ANKRD55: variants seen among roughly 807,000 people sequenced by gnomAD.
ANKRD55 encodes the protein ankyrin repeat domain 55.
Under a neutral mutation model 60.6 loss-of-function variants are expected in ANKRD55, and 41 were observed. The ratio of observed to expected loss-of-function variants is 0.68; its 90% confidence interval spans 0.53 to 0.88. The LOEUF (loss-of-function observed/expected upper bound fraction) is 0.88, where lower values mean the gene tolerates loss of function less well. ANKRD55 is among the 40% of genes least tolerant of loss of function. ANKRD55 has a pLI of 0.00. For synonymous variants in ANKRD55, 264 were observed against 290.3 expected (o/e 0.91, Z 0.92); for missense variants, 732 against 767.6 (o/e 0.95, Z 0.55).
chr5:56,111,933 T>C, intron 9 of ANKRD55, 151 bp from the exon 10 acceptor site: 2 of 687,140 alleles, frequency 2.9e-6, no homozygotes, highest in East Asian at 6.4e-5. Context: ...TTAAAGGCAG[T>C]GTGAAGAACT....
chr5:56,182,404 G>GT (rs2111830690), intron 3 of ANKRD55, among the ~76,000 whole-genome samples: 1 of 152,142 alleles, frequency 6.6e-6, no homozygotes, highest in Admixed American at 6.5e-5. Flanking sequence ...TGTGATGATT[G>GT]TATTTTTGAT....
intron 8 of ANKRD55, among the ~76,000 whole-genome samples, chr5:56,124,247 G>A (rs1164929242): frequency 1.3e-5 from 2 of 152,078 alleles, no homozygotes; most frequent in Non-Finnish European, 1.5e-5. Flanking sequence ...TGTGTTCTGT[G>A]TCATATCTTA....
chr5:56,115,600 G>A (rs1756863435), intron 9 of ANKRD55, among the ~76,000 whole-genome samples: 2 of 152,048 alleles, frequency 1.3e-5, no homozygotes, highest in African/African-American at 4.8e-5. Flanking sequence ...AGGATTACAG[G>A]TGTGAGCCAC....
chr5:56,232,187 CA>C (rs1440193185), intron 2 of ANKRD55, among the ~76,000 whole-genome samples: 10 of 152,186 alleles, frequency 6.6e-5, no homozygotes. Flanking sequence ...ACATAGACCA[CA>C]TGGCCAAATA....
chr5:56,199,048 C>T (rs1759296317), intron 2 of ANKRD55, among the ~76,000 whole-genome samples: 1 of 151,580 alleles, frequency 6.6e-6, no homozygotes, highest in African/African-American at 2.4e-5. Flanking sequence ...CCACTGCACT[C>T]CAGCCTGGAC....
At chr5:56,158,083 A>C (rs1758240212) in intron 6 of ANKRD55, among the ~76,000 whole-genome samples, 1 of 152,088 alleles carries the variant, frequency 6.6e-6, no homozygotes, top group Non-Finnish European at 1.5e-5. Context: ...TGGGAGGCTG[A>C]GGTAGGAGAA....
At position 56,111,584 on chromosome 5, in the gene ANKRD55, G is replaced by A. The variant is rs1426586419; in HGVS notation, c.1164C>T (p.Ile388=). The change falls in exon 10 of 12, where the codon ATC becomes ATT. Residue 388 remains isoleucine, a synonymous_variant. Coordinates refer to ENST00000341048, the MANE Select transcript of ANKRD55 (RefSeq NM_024669.3). ...VNDIITTFDS[I]VGTNCQEQPG... is the part of the protein sequence containing the mutation. ...GCTGTTCTTGGCAGTTGGTACCCAC[G>A]ATGCTATCAAAGGTGGTGATGATGT... The A allele has an allele frequency of 1.2e-6, 2 of 1,606,770 alleles. No homozygotes were observed. Among genetic ancestry groups the A allele is most frequent in the African/African-American group, 1.3e-5 (1 of 74,460 alleles).
In ANKRD55 at chr5:56,111,186, C is replaced by T. The variant is rs748309401; in HGVS notation, c.1562G>A (p.Ser521Asn). 6.2e-7 allele frequency: 1 copy of T among 1,614,200 alleles called. No individual in the cohort carries two copies. Among genetic ancestry groups the T allele is most frequent in the Non-Finnish European group, 8.5e-7 (1 of 1,180,034 alleles). ...SSDKLLDRLL[S>N]VRPGHQEVSV... is the part of the protein sequence containing the mutation. Reference sequence around the variant, plus strand: ...GACCTCTTGGTGACCAGGCCGGACACTGAGCAATCTGTCCAGCAGCTTATC... The same window carrying T: ...GACCTCTTGGTGACCAGGCCGGACATTGAGCAATCTGTCCAGCAGCTTATC... The change falls in exon 10 of 12, where the codon AGT becomes AAT. Residue 521 changes from serine (S) to asparagine (N), a missense_variant. By Grantham distance (46) the Ser-to-Asn change is conservative. Around this residue, in one of 3 missense-constraint regions of ANKRD55, gnomAD observed 597 missense variants for 607.5 expected, o/e 0.98. Coordinates refer to ENST00000341048, the MANE Select transcript of ANKRD55 (RefSeq NM_024669.3).
chr5:56,144,345 G>A (rs1015705770), intron 6 of ANKRD55, among the ~76,000 whole-genome samples: 4 of 152,174 alleles, frequency 2.6e-5, no homozygotes, highest in African/African-American at 9.7e-5. Context: ...GGAGGAAGAG[G>A]ACAGCCAACA....
intron 8 of ANKRD55, among the ~76,000 whole-genome samples, chr5:56,122,444 A>G (rs1757094541): frequency 1.3e-5 from 2 of 151,984 alleles, no homozygotes; most frequent in Admixed American, 1.3e-4. Flanking sequence ...TGAGGTCAGG[A>G]GTTCAAGACC....
intron 3 of ANKRD55, among the ~76,000 whole-genome samples, chr5:56,177,881 C>T (rs983652348): frequency 7.9e-5 from 12 of 152,140 alleles, no homozygotes; most frequent in African/African-American, 2.9e-4. Flanking sequence ...GAGAGCCTAG[C>T]TTACATATAA....
chr5:56,192,342 A>G (rs865830519), intron 2 of ANKRD55, among the ~76,000 whole-genome samples: 1 of 152,268 alleles, frequency 6.6e-6, no homozygotes, highest in African/African-American at 2.4e-5. Flanking sequence ...GCATGTGAAG[A>G]CACGCAGATT....
chr5:56,229,078 G>A (rs1357594818), intron 2 of ANKRD55, among the ~76,000 whole-genome samples: 6 of 143,556 alleles, frequency 4.2e-5, no homozygotes, highest in Admixed American at 1.4e-4. Context: ...CCCACCTCCC[G>A]CCGACCCCTC....
intron 10 of ANKRD55, among the ~76,000 whole-genome samples, chr5:56,105,771 A>G (rs191205): frequency 0.4 from 60,515 of 152,098 alleles, 13,454 homozygotes; most frequent in African/African-American, 0.62. Context: ...TTTAGACAGA[A>G]GGATCACAGG....
chr5:56,147,716 C>CT (rs1220397292), intron 6 of ANKRD55, among the ~76,000 whole-genome samples: 1 of 151,836 alleles, frequency 6.6e-6, no homozygotes, highest in Non-Finnish European at 1.5e-5. Context: ...TTTCCTGCCG[C>CT]TTTTTTTTCT....
At chr5:56,199,028 C>T (rs745694962) in intron 2 of ANKRD55, among the ~76,000 whole-genome samples, 6 of 151,864 alleles carry the variant, frequency 4.0e-5, no homozygotes, top group Admixed American at 2.6e-4. Context: ...TGCAGTGAGC[C>T]GAGATCGCGC....
At position 56,099,918 on chromosome 5, in the gene ANKRD55, T is replaced by C. The variant is rs542868434; in HGVS notation, c.*265A>G. ...CAAAGCAAACCAAACATAGCTCAGT[T>C]TTCCTACTGATAACATATTTTGTCT... On this transcript the variant is annotated 3_prime_UTR_variant, in exon 12 of 12. Transcript: ENST00000341048. 8.3e-5 allele frequency: 32 copies of C among 384,284 alleles called. No individual in the cohort carries two copies. The highest frequency in any genetic ancestry group is 4.4e-4 in the Admixed American group (11 of 25,024). The allele number at this position is 384,284 out of a possible 1,614,324, so 23.8% of individuals were successfully genotyped here. A position where few individuals can be genotyped will look rare whatever the true frequency, so the allele number is the denominator to read the frequency against.
chr5:56,182,239 G>A (rs1033091721), intron 3 of ANKRD55, among the ~76,000 whole-genome samples: 7 of 151,686 alleles, frequency 4.6e-5, no homozygotes, highest in Non-Finnish European at 7.4e-5. Context: ...TTTTCGGGGG[G>A]GATTTTAAAA....
At chr5:56,150,238 C>G in intron 6 of ANKRD55, among the ~76,000 whole-genome samples, 1 of 152,112 alleles carries the variant, frequency 6.6e-6, no homozygotes, top group East Asian at 1.9e-4. Context: ...ACTTTGCCAC[C>G]TCTATAAATT....
Sources: allele counts gnomAD v4.1 joint callset (sites outside exome capture counted in the v4.1 genomes callset), GRCh38; gene constraint gnomAD v4.1.1; regional missense constraint gnomAD v4.1.1; transcripts MANE v1.5; gene names NCBI Gene and HGNC (gene_info 2026-07-23, HGNC 2026-07-21).